Variants in PTPRD observed in about 807,000 individuals in gnomAD.
PTPRD encodes the protein protein tyrosine phosphatase receptor type D.
Under a neutral mutation model 214.5 loss-of-function variants are expected in PTPRD, and 34 were observed. That is an observed-to-expected ratio of 0.16 (90% CI 0.12 to 0.21). The LOEUF is 0.21. PTPRD is among the 10% of genes least tolerant of loss of function. The probability of loss-of-function intolerance (pLI) is 1.00; values close to 1 mark genes in which losing one functional copy is unlikely to be tolerated. For synonymous variants in PTPRD, 1,128 were observed against 845.7 expected, an observed-to-expected ratio of 1.33 and a Z score of -5.79; for missense variants, 2,545 against 2,398.7, an observed-to-expected ratio of 1.06 and a Z score of -1.27.
intron 2 of PTPRD, among the ~76,000 whole-genome samples, chr9:10,456,815 C>A (rs973188128): frequency 6.6e-6 from 1 of 151,890 alleles, no homozygotes; most frequent in Non-Finnish European, 1.5e-5. Context: ...TAACTCATTT[C>A]TGTATCTAGG....
intron 12 of PTPRD, among the ~76,000 whole-genome samples, chr9:8,693,156 G>A (rs2097843978): frequency 6.6e-6 from 1 of 152,192 alleles, no homozygotes; most frequent in South Asian, 2.1e-4. Flanking sequence ...TTGAAGGTAA[G>A]TTTCACAGTT....
chr9:10,223,713 A>AATT (rs1364504120), intron 3 of PTPRD, among the ~76,000 whole-genome samples: 2 of 146,078 alleles, frequency 1.4e-5, no homozygotes, highest in Non-Finnish European at 3.0e-5. Flanking sequence ...TAATAATAAT[A>AATT]AAGTAGAGTA....
intron 7 of PTPRD, among the ~76,000 whole-genome samples, chr9:9,699,320 TTATG>T (rs1221156067): frequency 6.6e-6 from 1 of 152,158 alleles, no homozygotes; most frequent in Non-Finnish European, 1.5e-5. Context: ...CCTTTTCATA[TTATG>T]TCAAAATTAC....
At chr9:8,475,360 T>A (rs1011231997) in intron 30 of PTPRD, among the ~76,000 whole-genome samples, 1 of 152,194 alleles carries the variant, frequency 6.6e-6, no homozygotes, top group African/African-American at 2.4e-5. Context: ...GTATATCTCC[T>A]TCCACACTAA....
intron 5 of PTPRD, among the ~76,000 whole-genome samples, chr9:9,920,342 A>G (rs1249128321): frequency 6.6e-6 from 1 of 152,126 alleles, no homozygotes; most frequent in Admixed American, 6.6e-5. Flanking sequence ...ATTACTGCTA[A>G]AAGGTAATTG....
At chr9:10,430,481 T>C (rs906727706) in intron 2 of PTPRD, among the ~76,000 whole-genome samples, 1 of 151,846 alleles carries the variant, frequency 6.6e-6, no homozygotes, top group Non-Finnish European at 1.5e-5. Context: ...AAATATAAGC[T>C]GCAAATGCCT....
chr9:9,696,806 T>A (rs147995795), intron 7 of PTPRD, among the ~76,000 whole-genome samples: 1 of 152,106 alleles, frequency 6.6e-6, no homozygotes, highest in Admixed American at 6.6e-5. Flanking sequence ...AAACACAATG[T>A]TATTATTGAT....
In PTPRD at chr9:8,682,254, T is replaced by C. The variant is rs75613670; in HGVS notation, c.65-45410A>G. On this transcript the variant is annotated intron_variant, in intron 12 of 45. Coordinates refer to ENST00000381196, the MANE Select transcript of PTPRD (RefSeq NM_002839.4). ...GTCTAAATAAGAATGTAAATTTATT[T>C]ATTAAACCTCTTCAATGAGACTTCG... is the stretch of plus-strand genomic sequence containing the variant. Among the ~76,000 whole-genome samples, 975 of 152,328 alleles carry C rather than the reference T, an allele frequency of 6.4e-3. 13 individuals are homozygous for C. Among genetic ancestry groups the C allele is most frequent in the African/African-American group, 0.023 (943 of 41,576 alleles).
intron 39 of PTPRD, among the ~76,000 whole-genome samples, 192 bp downstream of exon 39, chr9:8,375,744 T>A (rs2083047320): frequency 6.6e-6 from 1 of 152,092 alleles, no homozygotes; most frequent in Non-Finnish European, 1.5e-5. Flanking sequence ...CTACCTACTA[T>A]CTCCAGGGGA....
chr9:8,994,099 G>A (rs533435063), intron 11 of PTPRD, among the ~76,000 whole-genome samples: 1 of 152,228 alleles, frequency 6.6e-6, no homozygotes, highest in Non-Finnish European at 1.5e-5. Flanking sequence ...AAGATGCTGA[G>A]TAGAACTAGA....
chr9:9,989,559 C>T (rs1258769183), intron 4 of PTPRD, among the ~76,000 whole-genome samples: 4 of 152,036 alleles, frequency 2.6e-5, no homozygotes, highest in East Asian at 3.9e-4. Context: ...CCCTTCTTGC[C>T]GAGAGCCACT....
intron 3 of PTPRD, among the ~76,000 whole-genome samples, chr9:10,235,916 T>A (rs1024060456): frequency 3.9e-5 from 6 of 152,002 alleles, no homozygotes; most frequent in Non-Finnish European, 1.5e-5. Context: ...TGAATTATTT[T>A]AGTGCATTCC....
chr9:10,201,092 A>G (rs1012917822), intron 3 of PTPRD, among the ~76,000 whole-genome samples: 1 of 152,058 alleles, frequency 6.6e-6, no homozygotes, highest in Non-Finnish European at 1.5e-5. Context: ...TTGGAGTTAT[A>G]AAAATGGTAC....
intron 8 of PTPRD, among the ~76,000 whole-genome samples, chr9:9,564,096 T>A (rs78673070): frequency 0.021 from 3,161 of 152,238 alleles, 49 homozygotes; most frequent in Admixed American, 0.026. Flanking sequence ...AGCATGCTCA[T>A]CTGGCCTCCC....
At chr9:9,083,399 A>C (rs2099762042) in intron 10 of PTPRD, among the ~76,000 whole-genome samples, 1 of 152,208 alleles carries the variant, frequency 6.6e-6, no homozygotes, top group South Asian at 2.1e-4. Flanking sequence ...TACAAAAATT[A>C]ACTAAAGATG....
chr9:10,384,766 G>C (rs543595079), intron 2 of PTPRD, among the ~76,000 whole-genome samples: 1 of 66,364 alleles, frequency 1.5e-5, no homozygotes, highest in African/African-American at 9.5e-5. Flanking sequence ...CTCTAAATTT[G>C]TCAGAAAAAA....
chr9:8,630,570 A>C (rs145132985), intron 14 of PTPRD, among the ~76,000 whole-genome samples: 4 of 151,836 alleles, frequency 2.6e-5, no homozygotes, highest in Admixed American at 2.6e-4. Flanking sequence ...AATACTTTTG[A>C]ATTTTTCTCA....
intron 2 of PTPRD, among the ~76,000 whole-genome samples, chr9:10,552,853 G>A (rs574847901): frequency 6.6e-6 from 1 of 152,166 alleles, no homozygotes; most frequent in African/African-American, 2.4e-5. Context: ...TCTCTGTATG[G>A]AAAAAAGGAA....
intron 2 of PTPRD, among the ~76,000 whole-genome samples, chr9:10,513,140 CTTTTT>C (rs1000425172): frequency 6.6e-6 from 1 of 150,852 alleles, no homozygotes; most frequent in African/African-American, 2.4e-5. Flanking sequence ...TTTTGTTTTT[CTTTTT>C]GTCACTGTTA....
Sources: gnomAD v4.1 joint callset for allele counts (sites outside exome capture counted in the v4.1 genomes callset) on GRCh38, gnomAD v4.1.1 for gene constraint, MANE v1.5 for transcripts, NCBI Gene and HGNC (gene_info 2026-07-23, HGNC 2026-07-21) for gene names.